The following PCDHGB1 variants were observed in gnomAD, a reference collection of about 807,000 sequenced individuals.
The protein encoded by PCDHGB1 is protocadherin gamma subfamily B, 1, also known as protocadherin gamma-B1.
PCDHGB1 carries 34 observed loss-of-function variants against 56.6 expected under a neutral mutation model. That is an observed-to-expected ratio of 0.60 (90% CI 0.46 to 0.80). The LOEUF is 0.80. PCDHGB1 is among the 30% of genes least tolerant of loss of function. PCDHGB1 has a pLI of 0.00. For synonymous variants in PCDHGB1, 561 were observed against 505.9 expected (o/e 1.11, Z -1.46); for missense variants, 1,278 against 1,204.6 (o/e 1.06, Z -0.90).
chr5:141,427,265 C>G (rs767369457), intron 1 of PCDHGB1: 1 of 456,688 alleles, frequency 2.2e-6, no homozygotes, highest in Non-Finnish European at 4.4e-6. Context: ...GCATGACCAG[C>G]GAATGTAAAA....
chr5:141,408,339 T>C lies in PCDHGB1; in HGVS notation c.2409+55670T>C, dbSNP rs768142301. 1.7e-5 allele frequency: 27 copies of C among 1,613,672 alleles called. No homozygotes were observed. In the Middle Eastern group the frequency reaches 9.9e-4, roughly 59 times the overall value. ...CCGGAGGAGCTGGCCAAGGGCTCGGTGGTGGGGAACCTCGCTAAGGATCTA... is the reference window on the plus strand; with the variant it reads ...CCGGAGGAGCTGGCCAAGGGCTCGGCGGTGGGGAACCTCGCTAAGGATCTA... On this transcript the variant is annotated intron_variant, in intron 1 of 3. Coordinates refer to ENST00000523390, the MANE Select transcript of PCDHGB1 (RefSeq NM_018922.3).
chr5:141,478,911 T>TA, intron 1 of PCDHGB1: 1 of 871,162 alleles, frequency 1.1e-6, no homozygotes, highest in Non-Finnish European at 1.7e-6. Flanking sequence ...AGCTGCTGGA[T>TA]ACCTCTAACC....
chr5:141,492,395 C>G (rs2099740183), intron 1 of PCDHGB1, among the ~76,000 whole-genome samples: 1 of 152,242 alleles, frequency 6.6e-6, no homozygotes, highest in African/African-American at 2.4e-5. Flanking sequence ...GGTCCACTCG[C>G]AGCTCCCCTC....
intron 1 of PCDHGB1, among the ~76,000 whole-genome samples, chr5:141,402,580 TA>T (rs2094282125): frequency 6.6e-6 from 1 of 152,226 alleles, no homozygotes; most frequent in Admixed American, 6.5e-5. Context: ...CTCAGATATC[TA>T]AAAAATAGAT....
At position 141,494,693 on chromosome 5, in the gene PCDHGB1, G is replaced by A. The variant is rs2099756182; in HGVS notation, c.2410-114G>A. The A allele has an allele frequency of 5.0e-6, 8 of 1,585,786 alleles. No individual in the cohort carries two copies. In the South Asian group the frequency reaches 6.8e-5, roughly 13 times the overall value. ...GTCCACCCCTGCCCCCTCTTAGTCC[G>A]TTTTCTTCTCTGTGCCCACTCCCCT... is the stretch of plus-strand genomic sequence containing the variant. On this transcript the variant is annotated intron_variant, in intron 1 of 3. Transcript: ENST00000523390.
rs1368451336 is a variant in PCDHGB1 at position 141,505,377 on chromosome 5, C to T, written c.2469-16C>T. ...CGGCCTGGGAGTCTGTGCTCACCAT[C>T]CTACTCTCTCCCCAGCTCCCAAAAT... On this transcript the variant is annotated splice_polypyrimidine_tract_variant and intron_variant, in intron 2 of 3. Transcript: ENST00000523390. The T allele has an allele frequency of 6.2e-7, 1 of 1,614,036 alleles. No individual in the cohort carries two copies. Among genetic ancestry groups the T allele is most frequent in the Non-Finnish European group, 8.5e-7 (1 of 1,179,954 alleles).
At chr5:141,393,671 A>G in intron 1 of PCDHGB1, 1 of 1,613,944 alleles carries the variant, frequency 6.2e-7, no homozygotes, top group Non-Finnish European at 8.5e-7. Flanking sequence ...AAATTAATGA[A>G]AAACAAACTC....
In PCDHGB1 at chr5:141,350,941, C is replaced by CCGAGTTA; in HGVS notation, c.684_690dup (p.Asp231SerfsTer6). On this transcript the variant is annotated frameshift_variant, in exon 1 of 4. Coordinates refer to ENST00000523390, the MANE Select transcript of PCDHGB1 (RefSeq NM_018922.3). LOFTEE classifies it high-confidence loss of function. The stretch of plus-strand genomic sequence containing the variant: ...TAAGCGGCACCACCCATATCTGGAT[C>CCGAGTTA]CGAGTTACGGATGCCAATGATAATG... 1 of 1,614,076 alleles carries CCGAGTTA rather than the reference C, an allele frequency of 6.2e-7. No homozygotes were observed. Among genetic ancestry groups the CCGAGTTA allele is most frequent in the Non-Finnish European group, 8.5e-7 (1 of 1,179,912 alleles).
intron 3 of PCDHGB1, among the ~76,000 whole-genome samples, chr5:141,509,636 C>T (rs1199892148): frequency 6.6e-6 from 1 of 152,164 alleles, no homozygotes; most frequent in Non-Finnish European, 1.5e-5. Context: ...TGATGCTGAG[C>T]CAGGGCCAGA....
At chr5:141,399,095 T>G (rs1342683408) in intron 1 of PCDHGB1, 2 of 1,613,850 alleles carry the variant, frequency 1.2e-6, no homozygotes, top group East Asian at 2.2e-5. Context: ...GGTGGTGGAC[T>G]GGTTGCACAA....
intron 1 of PCDHGB1, chr5:141,404,727 T>G (rs762980421): frequency 6.2e-7 from 1 of 1,613,912 alleles, no homozygotes; most frequent in Non-Finnish European, 8.5e-7. Flanking sequence ...ACCAAGGTGG[T>G]GGCAGTGGAC....
At position 141,371,314 on chromosome 5, in the gene PCDHGB1, T is replaced by G. The variant is rs763858209; in HGVS notation, c.2409+18645T>G. The G allele has an allele frequency of 6.8e-6, 11 of 1,613,964 alleles. No individual in the cohort carries two copies. The East Asian group carries it at 2.2e-4, about 33-fold the overall frequency. The stretch of plus-strand genomic sequence containing the variant: ...GGGGAACTCACCACTATTGGAGAAC[T>G]GGACTTTGAAGAGAGAGATAGCTAC... On this transcript the variant is annotated intron_variant, in intron 1 of 3. Transcript: ENST00000523390.
chr5:141,419,756 G>C (rs1006926516), intron 1 of PCDHGB1: 10 of 1,613,890 alleles, frequency 6.2e-6, no homozygotes, highest in Admixed American at 1.7e-5. Flanking sequence ...GCGTGCTTTG[G>C]GTGACAAGGA....
intron 1 of PCDHGB1, among the ~76,000 whole-genome samples, chr5:141,438,833 T>C (rs989612425): frequency 6.6e-6 from 1 of 150,476 alleles, no homozygotes; most frequent in Non-Finnish European, 1.5e-5. Context: ...AGCTAATTTT[T>C]TAAAATATTT....
chr5:141,387,571 T>C (rs1183327637), intron 1 of PCDHGB1: 2 of 474,240 alleles, frequency 4.2e-6, no homozygotes, highest in African/African-American at 2.0e-5. Flanking sequence ...ACAATTATAA[T>C]TATTGCACTG....
chr5:141,476,137 G>A lies in PCDHGB1; in HGVS notation c.2410-18670G>A. The A allele has an allele frequency of 1.2e-6, 2 of 1,609,204 alleles. No homozygotes were observed. The highest frequency in any genetic ancestry group is 1.7e-6 in the Non-Finnish European group (2 of 1,178,592). On this transcript the variant is annotated intron_variant, in intron 1 of 3. Coordinates refer to ENST00000523390, the MANE Select transcript of PCDHGB1 (RefSeq NM_018922.3). The surrounding 1 kb of genome is among the most constrained non-coding windows in gnomAD (Gnocchi z 7.6). ...GTGAGATGGTCCCAGAGGCCTGGAGGAGCGGACTGGTAAGCACCGGGAGGG... is the reference window on the plus strand; with the variant it reads ...GTGAGATGGTCCCAGAGGCCTGGAGAAGCGGACTGGTAAGCACCGGGAGGG...
In PCDHGB1 at chr5:141,485,990, C is replaced by T. The variant is rs1285988124; in HGVS notation, c.2410-8817C>T. 2.5e-6 allele frequency: 4 copies of T among 1,614,168 alleles called. No homozygotes were observed. The stretch of plus-strand genomic sequence containing the variant: ...CAATGCCTCAGACCCGGACCTGGGT[C>T]CCAGTGGTAACGTCACCTTTTATTT... On this transcript the variant is annotated intron_variant, in intron 1 of 3. Coordinates refer to ENST00000523390, the MANE Select transcript of PCDHGB1 (RefSeq NM_018922.3). This position sits in a 1 kb window ranked among gnomAD's most constrained non-coding sequence, Gnocchi z 5.7.
At chr5:141,471,802 A>G (rs2154571076) in intron 1 of PCDHGB1, among the ~76,000 whole-genome samples, 1 of 152,362 alleles carries the variant, frequency 6.6e-6, no homozygotes, top group African/African-American at 2.4e-5. Context: ...TATAAAAGAC[A>G]TATAAAAGAC....
At chr5:141,400,856 A>G (rs1026499885) in intron 1 of PCDHGB1, among the ~76,000 whole-genome samples, 6 of 152,192 alleles carry the variant, frequency 3.9e-5, no homozygotes, top group Non-Finnish European at 8.8e-5. Context: ...ATTTTATTGT[A>G]TGTAGATAAA....
Sources: gnomAD v4.1 joint callset for allele counts (sites outside exome capture counted in the v4.1 genomes callset) on GRCh38, gnomAD v4.1.1 for gene constraint, Gnocchi (gnomAD v3.1) non-coding constraint, MANE v1.5 for transcripts, NCBI Gene and HGNC (gene_info 2026-07-23, HGNC 2026-07-21) for gene names.